AGBL1: variants seen among roughly 807,000 people sequenced by gnomAD.
AGBL1 encodes AGBL carboxypeptidase 1, also known as cytosolic carboxypeptidase 4.
AGBL1 carries 130 observed loss-of-function variants against 118.9 expected under a neutral mutation model. The observed-to-expected ratio is 1.09, with a 90% CI of 0.95 to 1.26. AGBL1 has a LOEUF of 1.26. Among genes scored for constraint, AGBL1 ranks in the 50% most tolerant of loss-of-function variants. The probability of loss-of-function intolerance (pLI) is 0.00; values close to 1 mark genes in which losing one functional copy is unlikely to be tolerated. For missense variants in AGBL1, 1,584 were observed against 1,298.1 expected, an observed-to-expected ratio of 1.22 and a Z score of -3.38; for synonymous variants, 555 against 478.9, an observed-to-expected ratio of 1.16 and a Z score of -2.08.
intron 6 of AGBL1, among the ~76,000 whole-genome samples, chr15:86,229,768 G>T (rs892228582): frequency 6.6e-6 from 1 of 152,186 alleles, no homozygotes; most frequent in African/African-American, 2.4e-5. Context: ...GTGCGGCAAT[G>T]GGATTATGCC....
At chr15:86,095,060 A>C (rs982051950) in intron 1 of AGBL1, among the ~76,000 whole-genome samples, 2 of 151,864 alleles carry the variant, frequency 1.3e-5, no homozygotes, top group Non-Finnish European at 2.9e-5. Flanking sequence ...TTTTATTTAC[A>C]TTTACCAGTT....
chr15:86,666,732 A>G (rs2085651677), intron 21 of AGBL1, among the ~76,000 whole-genome samples: 1 of 152,218 alleles, frequency 6.6e-6, no homozygotes, highest in African/African-American at 2.4e-5. Context: ...CAATTTATAT[A>G]TTAATTCACT....
intron 23 of AGBL1, among the ~76,000 whole-genome samples, chr15:86,958,197 C>T (rs117287705): frequency 0.019 from 2,682 of 138,408 alleles, 26 homozygotes; most frequent in Non-Finnish European, 0.031. Context: ...AGAGCAAGAT[C>T]TTGTTTCTTA....
chr15:86,339,866 T>C (rs2080434842), intron 17 of AGBL1, among the ~76,000 whole-genome samples: 1 of 151,768 alleles, frequency 6.6e-6, no homozygotes, highest in African/African-American at 2.4e-5. Context: ...CTCGGGAGGC[T>C]GAGGCAGGAG....
At chr15:86,896,873 C>T (rs1373666509) in intron 22 of AGBL1, among the ~76,000 whole-genome samples, 1 of 151,976 alleles carries the variant, frequency 6.6e-6, no homozygotes. Flanking sequence ...CATGCACTCC[C>T]CATTTGTGAG....
Position 86,569,286 on chromosome 15 carries a change from C to T in AGBL1, c.2994+14749C>T, listed in dbSNP as rs554543941. Among the ~76,000 whole-genome samples, 12 of 152,122 alleles carry T rather than the reference C, an allele frequency of 7.9e-5. No individual in the cohort carries two copies. The East Asian group carries it at 1.7e-3, about 22-fold the overall frequency. ...TCTCTACAAAAAAAATTAAAATCAG[C>T]CGACCATGGTGGCACGTGCTTGTGG... On this transcript the variant is annotated intron_variant, in intron 21 of 22. Coordinates refer to ENST00000614907, the MANE Select transcript of AGBL1 (RefSeq NM_001386094.1).
intron 1 of AGBL1, among the ~76,000 whole-genome samples, chr15:86,141,416 C>A (rs2076961465): frequency 6.6e-6 from 1 of 152,110 alleles, no homozygotes; most frequent in South Asian, 2.1e-4. Flanking sequence ...CTTTGGGAGG[C>A]CGAGGCAGGC....
chr15:86,189,606 C>G (rs939571580), intron 5 of AGBL1, among the ~76,000 whole-genome samples: 1 of 152,110 alleles, frequency 6.6e-6, no homozygotes, highest in African/African-American at 2.4e-5. Context: ...GAGCCTGGCA[C>G]TTCCCTCCTC....
rs565886455 is a variant in AGBL1, at chr15:86,450,190, C to G, written c.2555+52644C>G. Among the ~76,000 whole-genome samples the G allele has an allele frequency of 5.3e-5, 8 of 152,290 alleles. No homozygotes were observed. The South Asian group carries it at 1.7e-3, about 32-fold the overall frequency. On this transcript the variant is annotated intron_variant, in intron 18 of 22. Transcript: ENST00000614907. ...GCCACCTCCCGTGATGCATGGGGTC[C>G]ATTTAATGATGGATTTGACTGTTAG...
chr15:86,574,909 G>A (rs2084064945), intron 21 of AGBL1, among the ~76,000 whole-genome samples: 1 of 151,936 alleles, frequency 6.6e-6, no homozygotes, highest in Non-Finnish European at 1.5e-5. Context: ...GTGATTGCAT[G>A]GCTGGGCGTG....
chr15:86,202,503 C>T (rs1351676726), intron 5 of AGBL1, among the ~76,000 whole-genome samples: 2 of 152,054 alleles, frequency 1.3e-5, no homozygotes, highest in Non-Finnish European at 2.9e-5. Flanking sequence ...ATGAGACAGC[C>T]TCAGATTTGT....
intron 5 of AGBL1, among the ~76,000 whole-genome samples, chr15:86,186,039 C>A (rs1161457874): frequency 6.6e-6 from 1 of 152,114 alleles, no homozygotes; most frequent in Non-Finnish European, 1.5e-5. Flanking sequence ...ATCACTAGAT[C>A]TGGTTTATGG....
chr15:86,351,212 T>G (rs1281779643), intron 17 of AGBL1, among the ~76,000 whole-genome samples: 1 of 152,130 alleles, frequency 6.6e-6, no homozygotes, highest in African/African-American at 2.4e-5. Flanking sequence ...TATCCCATGG[T>G]GGAAGGACAA....
intron 18 of AGBL1, among the ~76,000 whole-genome samples, chr15:86,418,822 C>T (rs115993432): frequency 0.012 from 1,811 of 152,152 alleles, 21 homozygotes; most frequent in African/African-American, 0.029. Flanking sequence ...TCATGCTTGT[C>T]GGGATGATTT....
intron 17 of AGBL1, among the ~76,000 whole-genome samples, chr15:86,382,334 CT>C (rs780944729): frequency 1.7e-4 from 26 of 152,330 alleles, no homozygotes; most frequent in Middle Eastern, 6.8e-3. Context: ...CAGCAAAAGA[CT>C]TTGTATGCAG....
At chr15:86,921,261 C>G (rs2080479095) in intron 23 of AGBL1, among the ~76,000 whole-genome samples, 1 of 152,116 alleles carries the variant, frequency 6.6e-6, no homozygotes, top group Non-Finnish European at 1.5e-5. Context: ...TGAGTTCCAG[C>G]CTGTGGATGG....
rs1419464005 is a variant in AGBL1 at position 86,141,087 on chromosome 15, T to C, written c.52-917T>C. On this transcript the variant is annotated intron_variant, in intron 1 of 22. Coordinates refer to ENST00000614907, the MANE Select transcript of AGBL1 (RefSeq NM_001386094.1). ...AGTGCAAAGAGCGCTGGCCTGATTT[T>C]GGGAGACTGGACTGAGTGGTACTTC... 2.6e-5 allele frequency among the ~76,000 whole-genome samples: 4 copies of C among 152,200 alleles called. No individual in the cohort carries two copies. In the East Asian group the frequency reaches 5.8e-4, roughly 22 times the overall value.
intron 19 of AGBL1, among the ~76,000 whole-genome samples, chr15:86,540,924 T>C (rs2083486801): frequency 6.6e-6 from 1 of 152,190 alleles, no homozygotes; most frequent in Non-Finnish European, 1.5e-5. Context: ...TAATTTGTCG[T>C]TTACTTCCTT....
At position 86,172,601 on chromosome 15, in the gene AGBL1, G is replaced by T. The variant is rs76915155; in HGVS notation, c.488+13575G>T. ...CATGTGACTGAGAAAAATGTGAGTG[G>T]TAGTTGTCTGTGTCTCGCTTATTTC... On this transcript the variant is annotated intron_variant, in intron 5 of 22. Transcript: ENST00000614907. 4.5e-4 allele frequency among the ~76,000 whole-genome samples: 68 copies of T among 151,420 alleles called. No individual in the cohort carries two copies. The East Asian group carries it at 0.01, about 23-fold the overall frequency.
Sources: gnomAD v4.1 joint callset for allele counts (sites outside exome capture counted in the v4.1 genomes callset) on GRCh38, gnomAD v4.1.1 for gene constraint, MANE v1.5 for transcripts, NCBI Gene and HGNC (gene_info 2026-07-23, HGNC 2026-07-21) for gene names.